Variants in CCDC192 observed in about 807,000 individuals in gnomAD.
CCDC192 encodes the protein coiled-coil domain containing 192.
At chr5:127,891,297 G>C (rs1199419590) in intron 6 of CCDC192, among the ~76,000 whole-genome samples, 1 of 152,076 alleles carries the variant, frequency 6.6e-6, no homozygotes, top group Non-Finnish European at 1.5e-5. Flanking sequence ...CAGGTGATCC[G>C]CCTGCCTTGG....
At chr5:127,738,909 G>A (rs1229768736) in intron 2 of CCDC192, among the ~76,000 whole-genome samples, 2 of 151,676 alleles carry the variant, frequency 1.3e-5, no homozygotes, top group African/African-American at 4.8e-5. Context: ...TTGATCGTCT[G>A]AAGCCTTCTT....
chr5:127,858,123 C>T (rs547223297), intron 5 of CCDC192, among the ~76,000 whole-genome samples: 1 of 152,200 alleles, frequency 6.6e-6, no homozygotes, highest in East Asian at 1.9e-4. Flanking sequence ...AATACTTAGC[C>T]CACAGCATGC....
At chr5:127,871,101 A>G (rs923525600) in intron 5 of CCDC192, among the ~76,000 whole-genome samples, 1 of 152,352 alleles carries the variant, frequency 6.6e-6, no homozygotes, top group African/African-American at 2.4e-5. Flanking sequence ...CGTGAGGAGC[A>G]AGAGGCAGTG....
At position 127,941,164 on chromosome 5, in the gene CCDC192, T is replaced by C. The variant is rs1754391958; in HGVS notation, c.536-18T>C. ...CTAATCAAAACTGCTCAGACTTTCC[T>C]TTTCTTGTTTGCTTTAGAAGACAGC... is the stretch of plus-strand genomic sequence containing the variant. On this transcript the variant is annotated intron_variant, in intron 6 of 6. Coordinates refer to ENST00000514853, the MANE Select transcript of CCDC192 (RefSeq NM_001317938.2). 1 of 399,104 alleles carries C rather than the reference T, an allele frequency of 2.5e-6. No homozygotes were observed. Among genetic ancestry groups the C allele is most frequent in the African/African-American group, 2.1e-5 (1 of 48,776 alleles). The allele number at this position is 399,104 out of a possible 1,614,324, so 24.7% of individuals were successfully genotyped here.
At chr5:127,783,152 T>C (rs1245409918) in intron 3 of CCDC192, among the ~76,000 whole-genome samples, 3 of 152,004 alleles carry the variant, frequency 2.0e-5, no homozygotes, top group African/African-American at 7.3e-5. Context: ...CGTGCCACCA[T>C]GACCTGCTAA....
chr5:127,853,416 C>CT (rs1561523968), intron 5 of CCDC192, among the ~76,000 whole-genome samples: 1 of 152,126 alleles, frequency 6.6e-6, no homozygotes, highest in Non-Finnish European at 1.5e-5. Context: ...ATTCAGCCAC[C>CT]TTTTTTTAAT....
At chr5:127,880,495 T>C (rs1227522056) in intron 6 of CCDC192, among the ~76,000 whole-genome samples, 4 of 149,336 alleles carry the variant, frequency 2.7e-5, no homozygotes, top group African/African-American at 9.8e-5. Context: ...GAGATATACC[T>C]AATGCTAGAT....
At chr5:127,717,700 TG>T (rs1206102481) in intron 2 of CCDC192, among the ~76,000 whole-genome samples, 1 of 151,744 alleles carries the variant, frequency 6.6e-6, no homozygotes. Flanking sequence ...ACACTTAACC[TG>T]GGAATGCCTT....
intron 5 of CCDC192, among the ~76,000 whole-genome samples, chr5:127,828,491 T>C (rs1216449512): frequency 6.6e-6 from 1 of 152,244 alleles, no homozygotes; most frequent in African/African-American, 2.4e-5. Context: ...TCATCATCTG[T>C]TATGAGCCAG....
intron 2 of CCDC192, among the ~76,000 whole-genome samples, chr5:127,708,811 G>T (rs1751118751): frequency 6.6e-6 from 1 of 152,104 alleles, no homozygotes. Context: ...TTCCGTGTGG[G>T]CCAGGGGACT....
At chr5:127,881,628 G>T (rs910431850) in intron 6 of CCDC192, among the ~76,000 whole-genome samples, 1 of 152,164 alleles carries the variant, frequency 6.6e-6, no homozygotes, top group Non-Finnish European at 1.5e-5. Context: ...TATTTCATTG[G>T]CAGTGTGCTT....
chr5:127,875,372 A>G (rs1161253700), intron 5 of CCDC192, among the ~76,000 whole-genome samples, 166 bp from the exon 6 acceptor site: 3 of 152,202 alleles, frequency 2.0e-5, no homozygotes, highest in African/African-American at 7.2e-5. Context: ...ACAGGAGCAC[A>G]TACACTGTTT....
At chr5:127,737,094 G>T (rs1365252271) in intron 2 of CCDC192, among the ~76,000 whole-genome samples, 1 of 151,350 alleles carries the variant, frequency 6.6e-6, no homozygotes, top group Non-Finnish European at 1.5e-5. Context: ...TCTACACATT[G>T]CTTTGAATGT....
intron 5 of CCDC192, among the ~76,000 whole-genome samples, chr5:127,847,820 C>CA (rs1750624242): frequency 4.3e-5 from 3 of 70,388 alleles, no homozygotes; most frequent in South Asian, 4.0e-4. Context: ...GAGACTCCAT[C>CA]TTAAATAAAT....
chr5:127,919,073 A>ATGTG (rs70997353), intron 6 of CCDC192, among the ~76,000 whole-genome samples: 27,093 of 137,200 alleles, frequency 0.2, 2,578 homozygotes, highest in African/African-American at 0.27. Context: ...GTGTGTATAT[A>ATGTG]TGTGTGTGTG....
chr5:127,902,032 A>T (rs1351598652), intron 6 of CCDC192, among the ~76,000 whole-genome samples: 3 of 152,228 alleles, frequency 2.0e-5, no homozygotes, highest in Non-Finnish European at 4.4e-5. Context: ...GCACTCTGGG[A>T]GGCTAAGGCA....
intron 6 of CCDC192, among the ~76,000 whole-genome samples, chr5:127,883,206 G>A (rs1752424159): frequency 6.6e-6 from 1 of 152,166 alleles, no homozygotes; most frequent in Non-Finnish European, 1.5e-5. Context: ...GAAAACAAAA[G>A]GCAGAGATGT....
At chr5:127,875,855 A>T (rs537975377) in intron 6 of CCDC192, among the ~76,000 whole-genome samples, 194 bp downstream of exon 6, 1 of 152,164 alleles carries the variant, frequency 6.6e-6, no homozygotes, top group South Asian at 2.1e-4. Flanking sequence ...GGAATGAATA[A>T]GCGGTTTGCT....
At chr5:127,714,053 G>A (rs1561441480) in intron 2 of CCDC192, among the ~76,000 whole-genome samples, 1 of 152,034 alleles carries the variant, frequency 6.6e-6, no homozygotes. Context: ...CTATGAAATT[G>A]ATTTTTTTAG....
Sources: gnomAD v4.1 joint callset for allele counts (sites outside exome capture counted in the v4.1 genomes callset) on GRCh38, gnomAD v4.1.1 for gene constraint, MANE v1.5 for transcripts, NCBI Gene and HGNC (gene_info 2026-07-23, HGNC 2026-07-21) for gene names.